PASD1: variants seen among roughly 807,000 people sequenced by gnomAD.
PASD1 encodes PAS domain containing repressor 1, also known as circadian clock protein PASD1.
PASD1 carries 13 observed loss-of-function variants against 58.8 expected under a neutral mutation model. The observed-to-expected ratio is 0.22, with a 90% CI of 0.14 to 0.35. The LOEUF is 0.35. Ranked by LOEUF, PASD1 falls within the 10% of genes least tolerant of loss-of-function variation. The pLI, the probability that PASD1 is intolerant of heterozygous loss-of-function variation, is 1.00. For synonymous variants in PASD1, 236 were observed against 216.7 expected (o/e 1.09, Z -0.78); for missense variants, 734 against 568.3 (o/e 1.29, Z -2.96).
At chrX:151,668,631 A>T (rs972078554) in intron 11 of PASD1, among the ~76,000 whole-genome samples, 4 of 111,340 alleles carry the variant, frequency 3.6e-5, no homozygotes, top group African/African-American at 9.8e-5. Context: ...ATTCCTCAAC[A>T]CATGCACCCT....
chrX:151,665,477 C>G (rs2014365332), intron 11 of PASD1, among the ~76,000 whole-genome samples: 1 of 112,072 alleles, frequency 8.9e-6, no homozygotes, highest in East Asian at 2.8e-4. Context: ...CATGTATCAG[C>G]AACCTGGAGT....
chrX:151,566,650 C>T (rs1441896250), intron 1 of PASD1, among the ~76,000 whole-genome samples: 4 of 112,009 alleles, frequency 3.6e-5, no homozygotes, highest in African/African-American at 1.3e-4. Flanking sequence ...TATCAGATTT[C>T]AGATTTTGGA....
intron 1 of PASD1, among the ~76,000 whole-genome samples, chrX:151,580,456 T>C (rs1420959489): frequency 9.1e-6 from 1 of 110,180 alleles, no homozygotes; most frequent in East Asian, 2.8e-4. Flanking sequence ...TGGGATTTTC[T>C]CCTGTTGACC....
intron 1 of PASD1, among the ~76,000 whole-genome samples, chrX:151,573,520 C>T (rs1376781194): frequency 8.9e-6 from 1 of 112,436 alleles, no homozygotes; most frequent in African/African-American, 3.2e-5. Flanking sequence ...CGGGGAGAGA[C>T]TGACAATACA....
chrX:151,635,934 G>A (rs2013925205), intron 8 of PASD1, among the ~76,000 whole-genome samples: 1 of 111,301 alleles, frequency 9.0e-6, no homozygotes, highest in African/African-American at 3.3e-5. Context: ...TAAATAGCTT[G>A]ATTTAGCCAT....
intron 8 of PASD1, among the ~76,000 whole-genome samples, chrX:151,643,528 C>T (rs180971222): frequency 1.1e-4 from 12 of 111,425 alleles, no homozygotes; most frequent in Admixed American, 2.9e-4. Context: ...ATGCCTCTAT[C>T]AAAACATTTC....
chrX:151,589,282 A>C (rs2013214230), intron 1 of PASD1, among the ~76,000 whole-genome samples: 1 of 111,382 alleles, frequency 9.0e-6, no homozygotes, highest in Admixed American at 9.6e-5. Flanking sequence ...CTGAGACAGC[A>C]CTTATTCATG....
chrX:151,598,432 A>G (rs772261619), intron 1 of PASD1, among the ~76,000 whole-genome samples: 2 of 111,355 alleles, frequency 1.8e-5, no homozygotes, highest in Non-Finnish European at 3.8e-5. Flanking sequence ...TGATTTATCC[A>G]GATTGGGTCA....
chrX:151,577,599 AC>A (rs1401392864), intron 1 of PASD1, among the ~76,000 whole-genome samples: 1 of 111,603 alleles, frequency 9.0e-6, no homozygotes, highest in Non-Finnish European at 1.9e-5. Context: ...ATCTCGACTC[AC>A]CAAAACCTCC....
chrX:151,645,334 A>G (rs188008928), intron 8 of PASD1, among the ~76,000 whole-genome samples: 44 of 112,028 alleles, frequency 3.9e-4, no homozygotes, highest in Non-Finnish European at 7.3e-4. Context: ...TGTTCAAAAC[A>G]CACCTTAGTT....
At chrX:151,588,088 A>C (rs1377213140) in intron 1 of PASD1, among the ~76,000 whole-genome samples, 1 of 111,916 alleles carries the variant, frequency 8.9e-6, no homozygotes, top group Non-Finnish European at 1.9e-5. Context: ...AGATGACTTC[A>C]CTCACATTGA....
intron 11 of PASD1, among the ~76,000 whole-genome samples, chrX:151,669,419 C>G (rs1360485719): frequency 1.8e-5 from 2 of 110,411 alleles, no homozygotes; most frequent in Non-Finnish European, 3.8e-5. Flanking sequence ...CATTACAATT[C>G]TTTTAGCTAT....
At chrX:151,617,680 AG>A (rs2013653598) in intron 4 of PASD1, among the ~76,000 whole-genome samples, 1 of 112,117 alleles carries the variant, frequency 8.9e-6, no homozygotes, top group South Asian at 3.7e-4. Context: ...TCCAAAATAC[AG>A]GAACTGGTCC....
chrX:151,623,554 A>G (rs934179441), intron 7 of PASD1, among the ~76,000 whole-genome samples: 3 of 111,736 alleles, frequency 2.7e-5, no homozygotes, highest in African/African-American at 9.8e-5. Flanking sequence ...GCTTCCATTA[A>G]TTTTTCCATT....
Position 151,664,365 on chromosome X carries a change from G to A in PASD1, c.1071+17G>A, listed in dbSNP as rs191953537. 1,759 of 1,205,911 alleles carry A rather than the reference G, an allele frequency of 1.5e-3. 25 individuals carry two copies. In the Admixed American group the frequency reaches 0.032, roughly 22 times the overall value. On this transcript the variant is annotated intron_variant, in intron 11 of 15. Transcript: ENST00000370357. ...AGTGCTCAGGTACTCTGAAAGTCTC[G>A]CTTCACTCGCTTCACGTTTGTCTGG...
Position 151,648,860 on chromosome X carries a change from C to A in PASD1, c.717+158C>A, listed in dbSNP as rs778962385. Among the ~76,000 whole-genome samples the A allele has an allele frequency of 2.7e-5, 3 of 111,976 alleles. No homozygotes were observed. The Admixed American group carries it at 2.8e-4, about 11-fold the overall frequency. Reference sequence around the variant, plus strand: ...CTTGTAGACATTTCTTATTAGGAGCCAGTAACTGCCAGACTTCGAATGGTC... The same window carrying A: ...CTTGTAGACATTTCTTATTAGGAGCAAGTAACTGCCAGACTTCGAATGGTC... On this transcript the variant is annotated intron_variant, in intron 9 of 15. Transcript: ENST00000370357.
intron 9 of PASD1, among the ~76,000 whole-genome samples, chrX:151,653,775 TTTCTTTCTTTCTTTCTTTCTTTCTTTCC>T (rs1569413664): frequency 0.019 from 151 of 7,796 alleles, 11 homozygotes; most frequent in Non-Finnish European, 0.043. Context: ...TCTTTCTTTC[TTTCTTTCTTTCTTTCTTTCTTTCTTTCC>T]TTCCTTCCTT....
intron 9 of PASD1, among the ~76,000 whole-genome samples, chrX:151,650,282 C>T (rs1180846801): frequency 9.0e-6 from 1 of 110,832 alleles, no homozygotes; most frequent in Non-Finnish European, 1.9e-5. Flanking sequence ...TCCAGAGTCC[C>T]TAAACTTAGT....
chrX:151,615,007 C>T (rs1197648214), intron 4 of PASD1, among the ~76,000 whole-genome samples: 1 of 92,462 alleles, frequency 1.1e-5, no homozygotes, highest in African/African-American at 4.0e-5. Flanking sequence ...ATATTTAAAT[C>T]ATAGAAGGAA....
Sources: allele counts gnomAD v4.1 joint callset (sites outside exome capture counted in the v4.1 genomes callset), GRCh38; gene constraint gnomAD v4.1.1; transcripts MANE v1.5; gene names NCBI Gene and HGNC (gene_info 2026-07-23, HGNC 2026-07-21).